The following RUNX3 variants were observed in gnomAD, a reference collection of about 807,000 sequenced individuals.
The protein encoded by RUNX3 is RUNX family transcription factor 3.
A neutral mutation model predicts 27.7 loss-of-function variants in RUNX3; 10 were observed. That is an observed-to-expected ratio of 0.36 (90% confidence interval 0.22 to 0.61). The LOEUF (loss-of-function observed/expected upper bound fraction) is 0.61. RUNX3 is among the 20% of genes least tolerant of loss of function. The pLI is 0.72. For synonymous variants in RUNX3, 270 were observed against 269.2 expected (o/e 1.00, Z -0.03); for missense variants, 469 against 629.5 (o/e 0.75, Z 2.73).
chr1:24,914,830 C>T (rs1640857777), intron 3 of RUNX3, among the ~76,000 whole-genome samples: 1 of 152,160 alleles, frequency 6.6e-6, no homozygotes, highest in Non-Finnish European at 1.5e-5. Flanking sequence ...CTCCTGCCCA[C>T]GCCAAACCCT....
chr1:24,922,944 T>A (rs1396547667), intron 2 of RUNX3, among the ~76,000 whole-genome samples: 1 of 152,184 alleles, frequency 6.6e-6, no homozygotes, highest in Non-Finnish European at 1.5e-5. Context: ...TACTAGATTA[T>A]AACCTCCCCA....
Position 24,929,966 on chromosome 1 carries a change from G to A in RUNX3, c.-98C>T. On this transcript the variant is annotated 5_prime_UTR_variant, in exon 1 of 5. Transcript: ENST00000308873. Reference sequence around the variant, plus strand: ...TCCTCGGCCGCCGCTGCCGCGAGAAGCGGGAAAGCAGAAGCGGCGGGGCCC... The same window carrying A: ...TCCTCGGCCGCCGCTGCCGCGAGAAACGGGAAAGCAGAAGCGGCGGGGCCC... 1 of 1,197,794 alleles carries A rather than the reference G, an allele frequency of 8.3e-7. No homozygotes were observed. Among genetic ancestry groups the A allele is most frequent in the Non-Finnish European group, 1.0e-6 (1 of 967,696 alleles). 74.2% of individuals were successfully genotyped at this position (1,197,794 alleles called of 1,614,324 possible). A position where few individuals can be genotyped will look rare whatever the true frequency, so the allele number is the denominator to read the frequency against.
chr1:24,922,807 A>AAAAC (rs1641025141), intron 2 of RUNX3, among the ~76,000 whole-genome samples: 1 of 147,334 alleles, frequency 6.8e-6, no homozygotes, highest in Non-Finnish European at 1.5e-5. Context: ...AAAAAAAAAA[A>AAAAC]GCGCTAAGCA....
chr1:24,955,335 G>T (rs1193595955), intron 2 of RUNX3, among the ~76,000 whole-genome samples: 3 of 152,128 alleles, frequency 2.0e-5, no homozygotes, highest in African/African-American at 4.8e-5. Flanking sequence ...AGTTTGACGG[G>T]CTGGTTTGAT....
chr1:24,942,623 C>CTGG (rs1641505264), intron 2 of RUNX3, among the ~76,000 whole-genome samples: 1 of 152,148 alleles, frequency 6.6e-6, no homozygotes, highest in Admixed American at 6.5e-5. Flanking sequence ...GTGGAACTGG[C>CTGG]TTTACCCACC....
rs753845732 is a variant in RUNX3, at chr1:24,902,609, G to A, written c.761C>T (p.Thr254Met). The A allele has an allele frequency of 7.8e-6, 12 of 1,540,876 alleles. No individual in the cohort carries two copies. Among genetic ancestry groups the A allele is most frequent in the Admixed American group, 5.8e-5 (3 of 51,452 alleles). Residue 254 changes from threonine (T) to methionine (M), a missense_variant, in exon 5 of 5, where the codon ACG (threonine) becomes ATG (methionine). Coordinates refer to ENST00000308873, the MANE Select transcript of RUNX3 (RefSeq NM_004350.3). This position sits in a 1 kb window ranked among gnomAD's most constrained non-coding sequence, Gnocchi z 9.2. ...DPRQFDRSFPTLPTLTESRFP... is the reference protein window; with the variant it reads ...DPRQFDRSFPMLPTLTESRFP... ...GCGGCTCTCCGTGAGGGTTGGCAGCGTGGGGAAGGAGCGGTCAAACTGGCG... is the reference window on the plus strand; with the variant it reads ...GCGGCTCTCCGTGAGGGTTGGCAGCATGGGGAAGGAGCGGTCAAACTGGCG...
Position 24,930,076 on chromosome 1 carries a change from C to G in RUNX3, c.-208G>C. The G allele has an allele frequency of 3.1e-6, 3 of 980,190 alleles. No individual in the cohort carries two copies. Among genetic ancestry groups the G allele is most frequent in the East Asian group, 1.1e-4 (1 of 8,728 alleles). 60.7% of individuals were successfully genotyped at this position (980,190 alleles called of 1,614,324 possible). A position where few individuals can be genotyped will look rare whatever the true frequency, so the allele number is the denominator to read the frequency against. On this transcript the variant is annotated 5_prime_UTR_variant, in exon 1 of 5. Transcript: ENST00000308873. This position sits in a 1 kb window ranked among gnomAD's most constrained non-coding sequence, Gnocchi z 4.1. ...AGGCCTCGCTGGCCCGACGGCCGCC[C>G]GCAGCCTGCCCGGCTAGTCCCGCAT...
At chr1:24,956,727 A>T (rs1254376993) in intron 2 of RUNX3, among the ~76,000 whole-genome samples, 2 of 152,186 alleles carry the variant, frequency 1.3e-5, no homozygotes, top group African/African-American at 4.8e-5. Context: ...AGGCCAAGCC[A>T]CAGGTGCTGG....
At position 24,929,838 on chromosome 1, in the gene RUNX3, G is replaced by C; in HGVS notation, c.31C>G (p.Arg11Gly). 7.2e-7 allele frequency: 1 copy of C among 1,397,176 alleles called. No individual in the cohort carries two copies. The highest frequency in any genetic ancestry group is 9.2e-7 in the Non-Finnish European group (1 of 1,086,424). The allele number at this position is 1,397,176 out of a possible 1,614,324, so 86.5% of individuals were successfully genotyped here. A position where few individuals can be genotyped will look rare whatever the true frequency, so the allele number is the denominator to read the frequency against. Residue 11 changes from arginine to glycine, a missense_variant, in exon 1 of 5, where the codon CGC becomes GGC. By Grantham distance (125) the Arg-to-Gly change is moderately radical (BLOSUM62 -2). Around this residue, in one of 3 missense-constraint regions of RUNX3, gnomAD observed 115 missense variants for 118.0 expected, o/e 0.97. Coordinates refer to ENST00000308873, the MANE Select transcript of RUNX3 (RefSeq NM_004350.3). ...GCCGGGGAGGGAGGTGTGAAGCGGC[G>C]GCTGGTGCTTGGGTCTACGGGAATA... MRIPVDPSTS[R>G]RFTPPSPAFP...
intron 1 of RUNX3, chr1:24,929,075 G>A (rs1456344494): frequency 2.2e-6 from 1 of 458,342 alleles, no homozygotes; most frequent in Non-Finnish European, 4.4e-6. Flanking sequence ...GCAAACGTCT[G>A]GAGAGCAGTG....
rs1306265325 is a variant in RUNX3 at position 24,930,003 on chromosome 1, C to T, written c.-135G>A. 1 of 1,141,332 alleles carries T rather than the reference C, an allele frequency of 8.8e-7. No individual in the cohort carries two copies. The highest frequency in any genetic ancestry group is 4.4e-5 in the South Asian group (1 of 22,808). The allele number at this position is 1,141,332 out of a possible 1,614,324, so 70.7% of individuals were successfully genotyped here. A position where few individuals can be genotyped will look rare whatever the true frequency, so the allele number is the denominator to read the frequency against. ...AAGCGGCGGGGCCCGGGCCTCAGGG[C>T]GCAGGGGGCGGCGCCCGGCCACTAC... On this transcript the variant is annotated 5_prime_UTR_variant, in exon 1 of 5. Coordinates refer to ENST00000308873, the MANE Select transcript of RUNX3 (RefSeq NM_004350.3). This position sits in a 1 kb window ranked among gnomAD's most constrained non-coding sequence, Gnocchi z 4.1.
chr1:24,902,064 A>G lies in RUNX3; in HGVS notation c.*58T>C. 7.0e-7 allele frequency: 1 copy of G among 1,422,488 alleles called. No individual in the cohort carries two copies. Among genetic ancestry groups the G allele is most frequent in the Non-Finnish European group, 9.3e-7 (1 of 1,075,916 alleles). 88.1% of individuals were successfully genotyped at this position (1,422,488 alleles called of 1,614,324 possible). ...CCCGGAGCCTCGGAGCCGGCCCATC[A>G]CTGGTCTTGAAGGTTGTTAGGGTCC... On this transcript the variant is annotated 3_prime_UTR_variant, in exon 5 of 5. Transcript: ENST00000308873. This position sits in a 1 kb window ranked among gnomAD's most constrained non-coding sequence, Gnocchi z 9.2.
Position 24,904,497 on chromosome 1 carries a change from C to A in RUNX3, c.704-1831G>T, listed in dbSNP as rs1640623735. ...TGTCCCGGCCCCTTGAGGCCGAGAGCCTCCGAGGCACCTGGCTGCCAGTTT... is the reference window on the plus strand; with the variant it reads ...TGTCCCGGCCCCTTGAGGCCGAGAGACTCCGAGGCACCTGGCTGCCAGTTT... On this transcript the variant is annotated intron_variant, in intron 4 of 4. Transcript: ENST00000308873. This position sits in a 1 kb window ranked among gnomAD's most constrained non-coding sequence, Gnocchi z 5.7. Among the ~76,000 whole-genome samples, 1 of 152,168 alleles carries A rather than the reference C, an allele frequency of 6.6e-6. No individual in the cohort carries two copies. The highest frequency in any genetic ancestry group is 2.1e-4 in the South Asian group (1 of 4,820).
intron 2 of RUNX3, among the ~76,000 whole-genome samples, chr1:24,925,228 C>T (rs1425897243): frequency 1.3e-5 from 2 of 152,152 alleles, no homozygotes; most frequent in African/African-American, 2.4e-5. Flanking sequence ...AGATGTGTGT[C>T]TGCATGCCAG....
At chr1:24,949,364 T>A (rs151183121) in intron 2 of RUNX3, among the ~76,000 whole-genome samples, 1 of 152,092 alleles carries the variant, frequency 6.6e-6, no homozygotes, top group Non-Finnish European at 1.5e-5. Context: ...ACTCCAGCCA[T>A]GCCCCGCCCC....
chr1:24,955,856 T>C (rs1641906993), intron 2 of RUNX3, among the ~76,000 whole-genome samples: 1 of 152,234 alleles, frequency 6.6e-6, no homozygotes, highest in African/African-American at 2.4e-5. Flanking sequence ...TGTTCACTTC[T>C]GCATCTCCAG....
chr1:24,945,589 G>T (rs1641586409), intron 2 of RUNX3, among the ~76,000 whole-genome samples: 1 of 152,174 alleles, frequency 6.6e-6, no homozygotes, highest in Non-Finnish European at 1.5e-5. Flanking sequence ...TGAGGCCCAG[G>T]AGGCTTAGTA....
upstream of RUNX3, among the ~76,000 whole-genome samples, chr1:24,932,711 G>A (rs1031328131): frequency 5.3e-5 from 8 of 152,176 alleles, no homozygotes; most frequent in Non-Finnish European, 8.8e-5. Flanking sequence ...ATCCCGGACC[G>A]ACAAAAATTG....
Position 24,902,813 on chromosome 1 carries a change from C to T in RUNX3, c.704-147G>A, listed in dbSNP as rs920480813. ...GCTCTCCTCTTCCTGCCCTAGGCTGCCCGGGGCCTCCCCCGCCAGGACTCC... is the reference window on the plus strand; with the variant it reads ...GCTCTCCTCTTCCTGCCCTAGGCTGTCCGGGGCCTCCCCCGCCAGGACTCC... On this transcript the variant is annotated intron_variant, in intron 4 of 4. Transcript: ENST00000308873. The surrounding 1 kb of genome is among the most constrained non-coding windows in gnomAD (Gnocchi z 9.2). 3 of 600,718 alleles carry T rather than the reference C, an allele frequency of 5.0e-6. No homozygotes were observed. The highest frequency in any genetic ancestry group is 1.9e-5 in the African/African-American group (1 of 53,306). 37.2% of individuals were successfully genotyped at this position (600,718 alleles called of 1,614,324 possible). A position where few individuals can be genotyped will look rare whatever the true frequency, so the allele number is the denominator to read the frequency against.
Sources: gnomAD v4.1 joint callset for allele counts (sites outside exome capture counted in the v4.1 genomes callset) on GRCh38, gnomAD v4.1.1 for gene constraint, gnomAD v4.1.1 regional missense constraint, Gnocchi (gnomAD v3.1) non-coding constraint, MANE v1.5 for transcripts, NCBI Gene and HGNC (gene_info 2026-07-23, HGNC 2026-07-21) for gene names.